Variants in AP3S2 observed in about 807,000 individuals in gnomAD.
AP3S2 encodes the protein adaptor related protein complex 3 subunit sigma 2, also known as AP-3 complex subunit sigma-2.
In AP3S2, 22 loss-of-function variants were observed where a neutral mutation model predicts 23.4. That is an observed-to-expected ratio of 0.94 (90% CI 0.67 to 1.34). The LOEUF (loss-of-function observed/expected upper bound fraction) is 1.34. Among genes scored for constraint, AP3S2 ranks in the 40% most tolerant of loss-of-function variants. The pLI, the probability that AP3S2 is intolerant of heterozygous loss-of-function variation, is 0.00. For synonymous variants in AP3S2, 86 were observed against 87.1 expected, an observed-to-expected ratio of 0.99 and a Z score of 0.07; for missense variants, 241 against 236.9, an observed-to-expected ratio of 1.02 and a Z score of -0.11.
chr15:89,882,141 T>C (rs1232926879), intron 3 of AP3S2, among the ~76,000 whole-genome samples: 1 of 152,074 alleles, frequency 6.6e-6, no homozygotes, highest in Non-Finnish European at 1.5e-5. Flanking sequence ...TTTCTAAATA[T>C]CTATCTAGCA....
chr15:89,842,485 A>G (rs1166756394), intron 4 of AP3S2, among the ~76,000 whole-genome samples: 1 of 152,252 alleles, frequency 6.6e-6, no homozygotes, highest in East Asian at 1.9e-4. Context: ...AACCAGGCAA[A>G]AAGATCAAAT....
intron 4 of AP3S2, among the ~76,000 whole-genome samples, chr15:89,858,561 G>GAAAGAA (rs1271741832): frequency 6.8e-6 from 1 of 147,768 alleles, no homozygotes; most frequent in Non-Finnish European, 1.5e-5. Flanking sequence ...AAGAAAGAAA[G>GAAAGAA]AGAAACTCTA....
chr15:89,843,362 GC>G (rs1895380025), intron 4 of AP3S2, among the ~76,000 whole-genome samples: 1 of 151,972 alleles, frequency 6.6e-6, no homozygotes. Flanking sequence ...GCAGGGCCAG[GC>G]CTGGTGGCTC....
chr15:89,863,113 G>C (rs1896042595), intron 4 of AP3S2, among the ~76,000 whole-genome samples: 1 of 152,038 alleles, frequency 6.6e-6, no homozygotes, highest in Non-Finnish European at 1.5e-5. Flanking sequence ...CTCCACTGAA[G>C]GGTTAACAGT....
intron 4 of AP3S2, among the ~76,000 whole-genome samples, chr15:89,866,979 CCCCTCT>C (rs143697136): frequency 0.047 from 6,141 of 131,172 alleles, 370 homozygotes; most frequent in African/African-American, 0.069. Context: ...TCCCCCTTTT[CCCCTCT>C]CCCTCTCCCT....
At chr15:89,875,452 C>T (rs951764310) in intron 3 of AP3S2, among the ~76,000 whole-genome samples, 1 of 152,028 alleles carries the variant, frequency 6.6e-6, no homozygotes, top group East Asian at 1.9e-4. Context: ...AGAAAGAAAA[C>T]GAAGGACGAA....
intron 3 of AP3S2, among the ~76,000 whole-genome samples, chr15:89,887,093 G>A (rs1010709083): frequency 1.3e-5 from 2 of 152,218 alleles, no homozygotes; most frequent in South Asian, 2.1e-4. Flanking sequence ...ACTGCACCCC[G>A]CCTTGAGCTC....
intron 4 of AP3S2, among the ~76,000 whole-genome samples, chr15:89,860,824 T>C (rs1177303742): frequency 6.6e-6 from 1 of 152,214 alleles, no homozygotes; most frequent in Non-Finnish European, 1.5e-5. Context: ...AGCTCTCTTC[T>C]TCTCTTAGGC....
intron 1 of AP3S2, among the ~76,000 whole-genome samples, chr15:89,890,077 TAGAC>T (rs1322389159): frequency 2.0e-5 from 3 of 152,110 alleles, no homozygotes; most frequent in African/African-American, 7.2e-5. Context: ...TTATTATTTT[TAGAC>T]AGAGTCTTGT....
chr15:89,833,467 G>C lies in AP3S2; in HGVS notation c.*2048C>G, dbSNP rs1567170088. 1 of 152,210 alleles carries C rather than the reference G, an allele frequency of 6.6e-6. No individual in the cohort carries two copies. The highest frequency in any genetic ancestry group is 1.5e-5 in the Non-Finnish European group (1 of 68,046). The allele number at this position is 152,210 out of a possible 1,614,324, so 9.4% of individuals were successfully genotyped here. A position where few individuals can be genotyped will look rare whatever the true frequency, so the allele number is the denominator to read the frequency against. ...AATCTAAGGGAAGGTTACTGGAGCT[G>C]GGTCTACTTTCGTCATCTGCAAAAT... On this transcript the variant is annotated 3_prime_UTR_variant, in exon 6 of 6. Transcript: ENST00000336418.
intron 3 of AP3S2, among the ~76,000 whole-genome samples, chr15:89,880,401 CA>C (rs1376048561): frequency 6.6e-6 from 1 of 152,036 alleles, no homozygotes; most frequent in Non-Finnish European, 1.5e-5. Flanking sequence ...TATATTGAAA[CA>C]ATAAATAGCC....
At chr15:89,853,664 G>A (rs1340144386) in intron 4 of AP3S2, among the ~76,000 whole-genome samples, 8 of 126,356 alleles carry the variant, frequency 6.3e-5, no homozygotes, top group East Asian at 2.4e-4. Flanking sequence ...AGGAAGTGAG[G>A]AGCGCCTCTT....
intron 3 of AP3S2, chr15:89,886,380 T>C (rs1287523563): frequency 6.6e-6 from 1 of 152,248 alleles, no homozygotes; most frequent in Admixed American, 6.5e-5. Flanking sequence ...AAAAAAGTTA[T>C]AAAGTTAGTC....
At chr15:89,860,045 A>G (rs1217421378) in intron 4 of AP3S2, among the ~76,000 whole-genome samples, 3 of 152,172 alleles carry the variant, frequency 2.0e-5, no homozygotes, top group Non-Finnish European at 2.9e-5. Context: ...GATTACAGGC[A>G]TGAGCCATCA....
intron 4 of AP3S2, among the ~76,000 whole-genome samples, chr15:89,864,088 T>A (rs1896065053): frequency 6.6e-6 from 1 of 152,196 alleles, no homozygotes; most frequent in African/African-American, 2.4e-5. Context: ...TAATACTGCA[T>A]GAACAACAAA....
chr15:89,843,287 T>C (rs1895378198), intron 4 of AP3S2, among the ~76,000 whole-genome samples: 1 of 150,964 alleles, frequency 6.6e-6, no homozygotes, highest in Non-Finnish European at 1.5e-5. Context: ...CCCAGCCAAG[T>C]ATTTCTTAAG....
Position 89,835,508 on chromosome 15 carries a change from T to C in AP3S2, c.*7A>G, listed in dbSNP as rs771641626. On this transcript the variant is annotated 3_prime_UTR_variant, in exon 6 of 6. Coordinates refer to ENST00000336418, the MANE Select transcript of AP3S2 (RefSeq NM_005829.5). ...TAAGGACTCTATTTCAGGCCAATACTTGATCCTCAGACAAACTGGGACAGG... is the reference window on the plus strand; with the variant it reads ...TAAGGACTCTATTTCAGGCCAATACCTGATCCTCAGACAAACTGGGACAGG... 3.5e-5 allele frequency: 56 copies of C among 1,613,672 alleles called. No homozygotes were observed. Among genetic ancestry groups the C allele is most frequent in the Admixed American group, 3.2e-4 (19 of 59,916 alleles).
chr15:89,837,527 A>G, intron 5 of AP3S2, 88 bp downstream of exon 5: 1 of 1,482,244 alleles, frequency 6.7e-7, no homozygotes, highest in Non-Finnish European at 9.3e-7. Context: ...GAGGTTTCAC[A>G]GCAACACAAA....
chr15:89,868,985 G>A (rs1240985766), intron 4 of AP3S2, among the ~76,000 whole-genome samples: 5 of 148,902 alleles, frequency 3.4e-5, no homozygotes, highest in Admixed American at 2.0e-4. Context: ...CGCCCCGTCC[G>A]GGAGGTGAGG....
Sources: gnomAD v4.1 joint callset for allele counts (sites outside exome capture counted in the v4.1 genomes callset) on GRCh38, gnomAD v4.1.1 for gene constraint, MANE v1.5 for transcripts, NCBI Gene and HGNC (gene_info 2026-07-23, HGNC 2026-07-21) for gene names.